The following MCM2 variants were observed in gnomAD, a reference collection of about 807,000 sequenced individuals.
The protein encoded by MCM2 is DNA replication licensing factor MCM2.
A neutral mutation model predicts 86.4 loss-of-function variants in MCM2; 49 were observed. The observed-to-expected ratio is 0.57, with a 90% CI of 0.45 to 0.72. The LOEUF (loss-of-function observed/expected upper bound fraction) is 0.72, where lower values mean the gene tolerates loss of function less well. Among genes scored for constraint, MCM2 ranks in the 30% least tolerant of loss-of-function variants. The pLI is 0.00. For missense variants in MCM2, 1,038 were observed against 1,259.9 expected (o/e 0.82, Z 2.67); for synonymous variants, 475 against 484.6 (o/e 0.98, Z 0.26).
At position 127,599,411 on chromosome 3, in the gene MCM2, C is replaced by T. The variant is rs758941392; in HGVS notation, c.100C>T (p.Arg34Cys). 5.6e-6 allele frequency: 9 copies of T among 1,614,120 alleles called. No homozygotes were observed. The highest frequency in any genetic ancestry group is 7.6e-6 in the Non-Finnish European group (9 of 1,180,024). Residue 34 changes from arginine (R) to cysteine (C), a missense_variant, in exon 2 of 16, where the codon CGT (arginine) becomes TGT (cysteine). By Grantham distance (180) the Arg-to-Cys change is radical (BLOSUM62 -3). This residue lies in a region of MCM2 where 300 missense variants were observed against 307.4 expected (regional missense o/e 0.98). Coordinates refer to ENST00000265056, the MANE Select transcript of MCM2 (RefSeq NM_004526.4). Reference sequence around the variant, plus strand: ...CTCCAGCCCTGGCCGAAGCTCCCGGCGTACTGATGCCCTCACCTCCAGCCC... The same window carrying T: ...CTCCAGCCCTGGCCGAAGCTCCCGGTGTACTGATGCCCTCACCTCCAGCCC... Reference protein sequence around the residue: ...LTSSPGRSSRRTDALTSSPGR... With the variant: ...LTSSPGRSSRCTDALTSSPGR...
Position 127,618,213 on chromosome 3 carries a change from C to T in MCM2, c.2013+132C>T, listed in dbSNP as rs2074448153. 5.7e-6 allele frequency: 4 copies of T among 701,842 alleles called. No individual in the cohort carries two copies. In the East Asian group the frequency reaches 1.1e-4, roughly 19 times the overall value. 43.5% of individuals were successfully genotyped at this position (701,842 alleles called of 1,614,324 possible). On this transcript the variant is annotated intron_variant, in intron 12 of 15. Coordinates refer to ENST00000265056, the MANE Select transcript of MCM2 (RefSeq NM_004526.4). This position sits in a 1 kb window ranked among gnomAD's most constrained non-coding sequence, Gnocchi z 4.0. The stretch of plus-strand genomic sequence containing the variant: ...CATAGGCTGTTTTCTAGTCCTGTTC[C>T]CTCGGTCTCTTCTCATGTCCAGAAG...
intron 9 of MCM2, among the ~76,000 whole-genome samples, chr3:127,616,482 G>A (rs2074432929): frequency 6.6e-6 from 1 of 152,168 alleles, no homozygotes; most frequent in Non-Finnish European, 1.5e-5. Context: ...TGTGCGCAGT[G>A]CATCCCACCG....
chr3:127,599,511 A>G lies in MCM2; in HGVS notation c.200A>G (p.Glu67Gly), dbSNP rs201221422. Residue 67 changes from glutamate to glycine, a missense_variant, in exon 2 of 16, where the codon GAG (glutamate) becomes GGG (glycine). Transcript: ENST00000265056. ...LGTEGPLEEE[E>G]DGEELIGDGM... ...ACAGAGGGGCCCCTGGAGGAAGAAG[A>G]GGATGGAGAGGAGCTCATTGGAGAT... 2.5e-6 allele frequency: 4 copies of G among 1,614,026 alleles called. No homozygotes were observed. The highest frequency in any genetic ancestry group is 3.4e-6 in the Non-Finnish European group (4 of 1,179,944).
At position 127,608,540 on chromosome 3, in the gene MCM2, A is replaced by G. The variant is rs1576415031; in HGVS notation, c.1236+24A>G. 1.9e-6 allele frequency: 3 copies of G among 1,613,180 alleles called. No individual in the cohort carries two copies. The East Asian group carries it at 6.7e-5, about 36-fold the overall frequency. ...TAGTAAGTGGCCGGGGCAGGCTGGG[A>G]GGGAGCCAAGTTGCAGAGGGAACTG... On this transcript the variant is annotated intron_variant, in intron 7 of 15. Transcript: ENST00000265056.
intron 13 of MCM2, 143 bp downstream of exon 13, chr3:127,619,421 A>C: frequency 9.9e-7 from 1 of 1,012,972 alleles, no homozygotes; most frequent in East Asian, 2.6e-5. Context: ...TGTAGGTGCC[A>C]GGCACAGTGG....
intron 2 of MCM2, among the ~76,000 whole-genome samples, chr3:127,600,334 A>T (rs2074298512): frequency 6.6e-6 from 1 of 152,214 alleles, no homozygotes; most frequent in Non-Finnish European, 1.5e-5. Context: ...AGAGTGGAGT[A>T]AGCTCTGCGC....
In MCM2 at chr3:127,618,091, A is replaced by C; in HGVS notation, c.2013+10A>C. On this transcript the variant is annotated intron_variant, in intron 12 of 15. Transcript: ENST00000265056. This position sits in a 1 kb window ranked among gnomAD's most constrained non-coding sequence, Gnocchi z 4.0. ...CGTGGACCCAGTCCAGGTATAGCTC[A>C]CATGTGCCCGGTTTCCATGAACTGT... 137 of 1,609,440 alleles carry C rather than the reference A, an allele frequency of 8.5e-5. No individual in the cohort carries two copies. The highest frequency in any genetic ancestry group is 1.7e-4 in the Middle Eastern group (1 of 6,054).
Position 127,617,230 on chromosome 3 carries a change from G to A in MCM2, c.1774-49G>A, listed in dbSNP as rs779989525. The stretch of plus-strand genomic sequence containing the variant: ...CCATTGGGACCTCATCGGAGACTTA[G>A]TAGTAGGGGCGTGAACCATGCTAAG... On this transcript the variant is annotated intron_variant, in intron 10 of 15. Transcript: ENST00000265056. The surrounding 1 kb of genome is among the most constrained non-coding windows in gnomAD (Gnocchi z 4.1). 1 of 1,610,500 alleles carries A rather than the reference G, an allele frequency of 6.2e-7. No homozygotes were observed. The highest frequency in any genetic ancestry group is 8.5e-7 in the Non-Finnish European group (1 of 1,177,416).
In MCM2 at chr3:127,620,605, C is replaced by G. The variant is rs997565767; in HGVS notation, c.2266-93C>G. ...TCTGCTGGGGCACTGTCAGATGGGT[C>G]TTCTTGGCTCTGGGTGCTAAGAGTG... On this transcript the variant is annotated intron_variant, in intron 13 of 15. Transcript: ENST00000265056. The G allele has an allele frequency of 8.9e-6, 12 of 1,348,724 alleles. No individual in the cohort carries two copies. The African/African-American group carries it at 1.6e-4, about 18-fold the overall frequency. 83.5% of individuals were successfully genotyped at this position (1,348,724 alleles called of 1,614,324 possible). A position where few individuals can be genotyped will look rare whatever the true frequency, so the allele number is the denominator to read the frequency against.
Position 127,604,736 on chromosome 3 carries a change from G to A in MCM2, c.365G>A (p.Arg122Gln), listed in dbSNP as rs758142097. 3.7e-5 allele frequency: 60 copies of A among 1,609,598 alleles called. 1 individual carries two copies. Among genetic ancestry groups the A allele is most frequent in the South Asian group, 2.5e-4 (23 of 90,798 alleles). The change falls in exon 3 of 16, where the codon CGG (arginine) becomes CAG (glutamine). Residue 122 changes from arginine to glutamine, a missense_variant. This residue lies in a region of MCM2 where 300 missense variants were observed against 307.4 expected (regional missense o/e 0.98). Coordinates refer to ENST00000265056, the MANE Select transcript of MCM2 (RefSeq NM_004526.4). Reference sequence around the variant, plus strand: ...GAGCGGGCCATGCGGCAGCGTGACCGGGAGGCTGGCCGGGGCCTGGGCCGC... The same window carrying A: ...GAGCGGGCCATGCGGCAGCGTGACCAGGAGGCTGGCCGGGGCCTGGGCCGC... Reference protein sequence around the residue: ...AAERAMRQRDREAGRGLGRMR... With the variant: ...AAERAMRQRDQEAGRGLGRMR...
At position 127,608,424 on chromosome 3, in the gene MCM2, C is replaced by A; in HGVS notation, c.1144C>A (p.Pro382Thr). 6.2e-7 allele frequency: 1 copy of A among 1,614,244 alleles called. No individual in the cohort carries two copies. Among genetic ancestry groups the A allele is most frequent in the Non-Finnish European group, 8.5e-7 (1 of 1,180,042 alleles). The change falls in exon 7 of 16, where the codon CCA becomes ACA. Residue 382 changes from proline (P) to threonine (T), a missense_variant. Pro to Thr is a conservative substitution (Grantham distance 38). Around this residue, in one of 4 missense-constraint regions of MCM2, gnomAD observed 399 missense variants for 507.2 expected, o/e 0.79. Transcript: ENST00000265056. ...CCAGCGTATCCGAATCCAGGAGAGT[C>A]CAGGCAAAGTGGCGGCTGGCCGGCT... ...NYQRIRIQES[P>T]GKVAAGRLPR... is the part of the protein sequence containing the mutation.
Position 127,618,594 on chromosome 3 carries a change from C to T in MCM2, c.2014-433C>T, listed in dbSNP as rs1287010078. On this transcript the variant is annotated intron_variant, in intron 12 of 15. Coordinates refer to ENST00000265056, the MANE Select transcript of MCM2 (RefSeq NM_004526.4). The surrounding 1 kb of genome is among the most constrained non-coding windows in gnomAD (Gnocchi z 4.0). ...ACCTGCCCTTCTCTCTCAAAAGGGC[C>T]GAGCCTTGGGGCTTGATTGTGCTCC... Among the ~76,000 whole-genome samples the T allele has an allele frequency of 1.3e-5, 2 of 152,062 alleles. No individual in the cohort carries two copies. The highest frequency in any genetic ancestry group is 2.4e-5 in the African/African-American group (1 of 41,394).
At chr3:127,616,683 G>A (rs942391083) in intron 9 of MCM2, among the ~76,000 whole-genome samples, 185 bp from the exon 10 acceptor site, 1 of 152,248 alleles carries the variant, frequency 6.6e-6, no homozygotes, top group Admixed American at 6.5e-5. Context: ...CTCTGCACCC[G>A]TGTGTGTTTC....
intron 2 of MCM2, among the ~76,000 whole-genome samples, chr3:127,599,924 T>A (rs73861527): frequency 1.3e-3 from 205 of 152,318 alleles, no homozygotes; most frequent in South Asian, 5.4e-3. Context: ...AAATAAAGTT[T>A]TAGAGTCAAT....
chr3:127,608,227 T>C (rs2074364817), intron 6 of MCM2, among the ~76,000 whole-genome samples, 155 bp from the exon 7 acceptor site: 1 of 152,186 alleles, frequency 6.6e-6, no homozygotes, highest in Non-Finnish European at 1.5e-5. Context: ...TGTCAACTGA[T>C]GTGCTGAGTC....
intron 8 of MCM2, among the ~76,000 whole-genome samples, chr3:127,614,118 A>G (rs1422972420): frequency 6.6e-6 from 1 of 152,166 alleles, no homozygotes; most frequent in Non-Finnish European, 1.5e-5. Context: ...GTAGCACTCT[A>G]CCCAGCTTCC....
chr3:127,617,144 G>T lies in MCM2; in HGVS notation c.1773+26G>T. 5 of 1,609,452 alleles carry T rather than the reference G, an allele frequency of 3.1e-6. No individual in the cohort carries two copies. Among genetic ancestry groups the T allele is most frequent in the Non-Finnish European group, 4.2e-6 (5 of 1,176,756 alleles). ...GTGGGTCCCTGGGTCACGGAGGCTG[G>T]TGGAACTCAGGGGGTGTGTGTGGGC... On this transcript the variant is annotated intron_variant, in intron 10 of 15. Coordinates refer to ENST00000265056, the MANE Select transcript of MCM2 (RefSeq NM_004526.4). This position sits in a 1 kb window ranked among gnomAD's most constrained non-coding sequence, Gnocchi z 4.1.
intron 1 of MCM2, 151 bp downstream of exon 1, chr3:127,598,623 C>A: frequency 9.2e-7 from 1 of 1,089,916 alleles, no homozygotes; most frequent in Admixed American, 3.1e-5. Context: ...CTGCACCCTG[C>A]GTGAGGCGAC....
chr3:127,600,889 A>C (rs1243703928), intron 2 of MCM2, among the ~76,000 whole-genome samples: 1 of 152,142 alleles, frequency 6.6e-6, no homozygotes, highest in East Asian at 1.9e-4. Context: ...AAAAAAAAAA[A>C]AAAACTTTAT....
Sources: gnomAD v4.1 joint callset for allele counts (sites outside exome capture counted in the v4.1 genomes callset) on GRCh38, gnomAD v4.1.1 for gene constraint, gnomAD v4.1.1 regional missense constraint, Gnocchi (gnomAD v3.1) non-coding constraint, MANE v1.5 for transcripts, NCBI Gene and HGNC (gene_info 2026-07-23, HGNC 2026-07-21) for gene names.